Variants in STIM2 observed in about 807,000 individuals in gnomAD.
The protein encoded by STIM2 is stromal interaction molecule 2.
Under a neutral mutation model 85.8 loss-of-function variants are expected in STIM2, and 31 were observed. The observed-to-expected ratio is 0.36, with a 90% CI of 0.27 to 0.49. STIM2 has a LOEUF of 0.49. Among genes scored for constraint, STIM2 ranks in the 20% least tolerant of loss-of-function variants. STIM2 has a pLI of 0.98. For missense variants in STIM2, 841 were observed against 927.6 expected, an observed-to-expected ratio of 0.91 and a Z score of 1.21; for synonymous variants, 356 against 331.1, an observed-to-expected ratio of 1.08 and a Z score of -0.82.
chr4:26,866,451 G>C (rs1722412186), intron 1 of STIM2, among the ~76,000 whole-genome samples: 1 of 152,190 alleles, frequency 6.6e-6, no homozygotes, highest in East Asian at 1.9e-4. Flanking sequence ...GAGGCTGTTA[G>C]AGAGTATTAC....
Position 27,024,547 on chromosome 4 carries a change from A to T in STIM2, c.*1551A>T, listed in dbSNP as rs1729023119. ...AAATGCTTTAGTAAGAATATGAACA[A>T]TTTCCTGATGTCTCCTATAAATTGT... On this transcript the variant is annotated 3_prime_UTR_variant, in exon 12 of 12. Coordinates refer to ENST00000467087, the MANE Select transcript of STIM2 (RefSeq NM_020860.4). 1.3e-5 allele frequency: 2 copies of T among 152,342 alleles called. No homozygotes were observed. The highest frequency in any genetic ancestry group is 2.1e-4 in the South Asian group (1 of 4,832). The allele number at this position is 152,342 out of a possible 1,614,324, so 9.4% of individuals were successfully genotyped here. A position where few individuals can be genotyped will look rare whatever the true frequency, so the allele number is the denominator to read the frequency against.
At chr4:26,938,216 T>A (rs1278718834) in intron 2 of STIM2, among the ~76,000 whole-genome samples, 2 of 151,938 alleles carry the variant, frequency 1.3e-5, no homozygotes, top group Non-Finnish European at 2.9e-5. Context: ...TCCCCAGCTT[T>A]ATTGAGGTAT....
chr4:27,017,007 C>T (rs991706653), intron 10 of STIM2, among the ~76,000 whole-genome samples: 2 of 152,302 alleles, frequency 1.3e-5, no homozygotes, highest in African/African-American at 4.8e-5. Context: ...GAGCGAACAG[C>T]TTCAGCTTGA....
At chr4:27,009,827 G>A (rs1728499746) in intron 10 of STIM2, among the ~76,000 whole-genome samples, 1 of 152,150 alleles carries the variant, frequency 6.6e-6, no homozygotes, top group African/African-American at 2.4e-5. Flanking sequence ...ACTTAAGCTT[G>A]CCAAATGCAA....
Position 26,885,298 on chromosome 4 carries a change from C to T in STIM2, c.151+23929C>T, listed in dbSNP as rs551142633. Among the ~76,000 whole-genome samples, 7 of 152,298 alleles carry T rather than the reference C, an allele frequency of 4.6e-5. No homozygotes were observed. In the East Asian group the frequency reaches 1.3e-3, roughly 29 times the overall value. On this transcript the variant is annotated intron_variant, in intron 1 of 11. Transcript: ENST00000467087. Reference sequence around the variant, plus strand: ...AACCATTTTTAACAAAGTGAATACTCACATGTTATTAGCACCCAGATCGAG... The same window carrying T: ...AACCATTTTTAACAAAGTGAATACTTACATGTTATTAGCACCCAGATCGAG...
intron 2 of STIM2, among the ~76,000 whole-genome samples, chr4:26,949,882 A>T (rs1725979970): frequency 6.6e-6 from 1 of 152,198 alleles, no homozygotes; most frequent in South Asian, 2.1e-4. Context: ...ATGCAAATAT[A>T]TACATAAGTT....
intron 10 of STIM2, among the ~76,000 whole-genome samples, chr4:27,011,979 C>T (rs550422727): frequency 6.6e-6 from 1 of 152,078 alleles, no homozygotes; most frequent in East Asian, 1.9e-4. Context: ...AATCCATTAG[C>T]CCTTTAATCC....
intron 1 of STIM2, among the ~76,000 whole-genome samples, chr4:26,869,217 A>G (rs1236301126): frequency 6.7e-6 from 1 of 148,628 alleles, no homozygotes; most frequent in Non-Finnish European, 1.5e-5. Context: ...GAATCACCTG[A>G]GCCTGGGGGA....
chr4:26,986,979 A>C (rs943430742), intron 3 of STIM2, among the ~76,000 whole-genome samples: 1 of 152,248 alleles, frequency 6.6e-6, no homozygotes, highest in Non-Finnish European at 1.5e-5. Context: ...AAGGCAGCCC[A>C]TATGATGTGC....
chr4:27,007,637 A>G lies in STIM2; in HGVS notation c.1086A>G (p.Glu362=), dbSNP rs747298673. 22 of 1,607,348 alleles carry G rather than the reference A, an allele frequency of 1.4e-5. No individual in the cohort carries two copies. The East Asian group carries it at 4.9e-4, about 36-fold the overall frequency. The change falls in exon 8 of 12, where the codon GAA becomes GAG. Residue 362 remains glutamate (E), a synonymous_variant. Coordinates refer to ENST00000467087, the MANE Select transcript of STIM2 (RefSeq NM_020860.4). ...GGCTTCAGTTAACACATGAAGTAGA[A>G]GTGCAATACTACAATATTAAAAGAC...
intron 3 of STIM2, among the ~76,000 whole-genome samples, chr4:26,984,975 T>C (rs1727529536): frequency 6.6e-6 from 1 of 152,224 alleles, no homozygotes; most frequent in Non-Finnish European, 1.5e-5. Flanking sequence ...CAATTACTAA[T>C]ATCCGAACTC....
At position 26,927,708 on chromosome 4, in the gene STIM2, CTTGAATAA is replaced by C. The variant is rs1560209507; in HGVS notation, c.282+8075_282+8082del. ...AAAAAAAAAAAAAAAAAAAAAAAAA[CTTGAATAA>C]AAAAAAAAACTGACTGAACTTAGCC... On this transcript the variant is annotated intron_variant, in intron 2 of 11. Transcript: ENST00000467087. Among the ~76,000 whole-genome samples the C allele has an allele frequency of 4.2e-4, 16 of 38,512 alleles. 1 individual carries two copies. Among genetic ancestry groups the C allele is most frequent in the African/African-American group, 1.2e-3 (16 of 13,334 alleles). 25.3% of individuals were successfully genotyped at this position (38,512 alleles called of 152,430 possible).
In STIM2 at chr4:27,025,121, C is replaced by G. The variant is rs1729042485; in HGVS notation, c.*2125C>G. ...TTGTTTGTGCTCAATTTCAGACACTCATTTATAAACAAATTCAACCAAGGG... is the reference window on the plus strand; with the variant it reads ...TTGTTTGTGCTCAATTTCAGACACTGATTTATAAACAAATTCAACCAAGGG... On this transcript the variant is annotated 3_prime_UTR_variant, in exon 12 of 12. Transcript: ENST00000467087. 1 of 152,104 alleles carries G rather than the reference C, an allele frequency of 6.6e-6. No individual in the cohort carries two copies. The highest frequency in any genetic ancestry group is 1.5e-5 in the Non-Finnish European group (1 of 68,020). 9.4% of individuals were successfully genotyped at this position (152,104 alleles called of 1,614,324 possible).
chr4:26,906,440 G>GTTT (rs1211425958), intron 1 of STIM2, among the ~76,000 whole-genome samples: 1 of 116,110 alleles, frequency 8.6e-6, no homozygotes, highest in African/African-American at 3.2e-5. Flanking sequence ...AAGTTTGTTT[G>GTTT]TTTTTTTTTT....
At position 27,001,759 on chromosome 4, in the gene STIM2, C is replaced by T. The variant is rs1392344954; in HGVS notation, c.626-458C>T. Among the ~76,000 whole-genome samples, 3 of 152,288 alleles carry T rather than the reference C, an allele frequency of 2.0e-5. No individual in the cohort carries two copies. In the South Asian group the frequency reaches 6.2e-4, roughly 32 times the overall value. On this transcript the variant is annotated intron_variant, in intron 5 of 11. Coordinates refer to ENST00000467087, the MANE Select transcript of STIM2 (RefSeq NM_020860.4). ...ACCTAATTAGTTATATAGCTGCCTC[C>T]TTGGGGAAAATACATTTTGGTGAGT...
intron 2 of STIM2, among the ~76,000 whole-genome samples, chr4:26,952,498 T>A (rs980298456): frequency 2.6e-5 from 4 of 152,252 alleles, no homozygotes; most frequent in African/African-American, 9.6e-5. Context: ...CAAGCACTTT[T>A]TTTTTGCACT....
intron 2 of STIM2, among the ~76,000 whole-genome samples, chr4:26,942,495 T>G (rs564525994): frequency 1.3e-5 from 2 of 152,192 alleles, no homozygotes; most frequent in South Asian, 2.1e-4. Context: ...TTCTGTACTG[T>G]TTCTCTCCTC....
rs527828240 is a variant in STIM2 at position 26,965,702 on chromosome 4, A to AT, written c.397+7980dup. 5.2e-3 allele frequency among the ~76,000 whole-genome samples: 785 copies of AT among 149,734 alleles called. 8 individuals carry two copies. Among genetic ancestry groups the AT allele is most frequent in the African/African-American group, 0.019 (762 of 40,740 alleles). On this transcript the variant is annotated intron_variant, in intron 3 of 11. Coordinates refer to ENST00000467087, the MANE Select transcript of STIM2 (RefSeq NM_020860.4). Reference sequence around the variant, plus strand: ...ACTTAAGTACACTTGTGTTTTGGAGATTTTGGATCATTGCATATGCTGATT... The same window carrying AT: ...ACTTAAGTACACTTGTGTTTTGGAGATTTTTGGATCATTGCATATGCTGATT...
At chr4:26,970,852 C>T (rs539884431) in intron 3 of STIM2, among the ~76,000 whole-genome samples, 2 of 151,946 alleles carry the variant, frequency 1.3e-5, no homozygotes, top group Admixed American at 1.3e-4. Context: ...AACTTACACT[C>T]CCACCAACAG....
Sources: gnomAD v4.1 joint callset for allele counts (sites outside exome capture counted in the v4.1 genomes callset) on GRCh38, gnomAD v4.1.1 for gene constraint, MANE v1.5 for transcripts, NCBI Gene and HGNC (gene_info 2026-07-23, HGNC 2026-07-21) for gene names.